Variants in GTPBP1 observed in about 807,000 individuals in gnomAD.
GTPBP1 encodes GTP binding protein 1.
GTPBP1 carries 23 observed loss-of-function variants against 62.0 expected under a neutral mutation model. That is an observed-to-expected ratio of 0.37 (90% CI 0.27 to 0.53). The LOEUF (loss-of-function observed/expected upper bound fraction) is 0.53. Ranked by LOEUF, GTPBP1 falls within the 20% of genes least tolerant of loss-of-function variation. The probability of loss-of-function intolerance (pLI) is 0.89; values close to 1 mark genes in which losing one functional copy is unlikely to be tolerated. For synonymous variants in GTPBP1, 344 were observed against 364.4 expected, an observed-to-expected ratio of 0.94 and a Z score of 0.64; for missense variants, 640 against 917.3, an observed-to-expected ratio of 0.70 and a Z score of 3.90.
chr22:38,729,416 A>G (rs1023805649), intron 10 of GTPBP1, 46 bp from the exon 11 acceptor site: 4 of 1,440,470 alleles, frequency 2.8e-6, no homozygotes, highest in Non-Finnish European at 2.8e-6. Context: ...AGCCAGTGCC[A>G]CTGCCCCGCA....
At position 38,727,997 on chromosome 22, in the gene GTPBP1, A is replaced by C; in HGVS notation, c.1552A>C (p.Ile518Leu). ...RYQAMVHCGS[I>L]RQTATILSMD... is the part of the protein sequence containing the mutation. The stretch of plus-strand genomic sequence containing the variant: ...TTCCTTGACAGTGCACTGTGGGAGC[A>C]TCAGGCAGACAGCCACCATTCTGAG... Residue 518 changes from isoleucine (I) to leucine (L), a missense_variant, in exon 10 of 12, where the codon ATC becomes CTC. Ile to Leu is a conservative substitution (Grantham distance 5). Transcript: ENST00000216044. This position sits in a 1 kb window ranked among gnomAD's most constrained non-coding sequence, Gnocchi z 6.5. 1 of 1,613,958 alleles carries C rather than the reference A, an allele frequency of 6.2e-7. No homozygotes were observed. The highest frequency in any genetic ancestry group is 8.5e-7 in the Non-Finnish European group (1 of 1,179,866).
Position 38,727,363 on chromosome 22 carries a change from C to G in GTPBP1, c.1537+15C>G. 6.5e-7 allele frequency: 1 copy of G among 1,533,064 alleles called. No individual in the cohort carries two copies. Among genetic ancestry groups the G allele is most frequent in the African/African-American group, 1.4e-5 (1 of 71,140 alleles). The allele number at this position is 1,533,064 out of a possible 1,614,324, so 95.0% of individuals were successfully genotyped here. ...CCAGGCCATGGGTAGGTGTCTAAGG[C>G]CCTGCCAGCCCAGGAGGCCGTCGTG... On this transcript the variant is annotated intron_variant, in intron 9 of 11. Coordinates refer to ENST00000216044, the MANE Select transcript of GTPBP1 (RefSeq NM_004286.5). This position sits in a 1 kb window ranked among gnomAD's most constrained non-coding sequence, Gnocchi z 6.5.
At chr22:38,733,773 C>G (rs1003090381), downstream of GTPBP1, among the ~76,000 whole-genome samples, 4 of 152,172 alleles carry the variant, frequency 2.6e-5, no homozygotes, top group African/African-American at 9.7e-5. Flanking sequence ...AGGGGCAGCA[C>G]AGGTTTAGTT....
chr22:38,726,186 TC>T lies in GTPBP1; in HGVS notation c.1218+38del. On this transcript the variant is annotated intron_variant, in intron 7 of 11. Transcript: ENST00000216044. The surrounding 1 kb of genome is among the most constrained non-coding windows in gnomAD (Gnocchi z 4.1). ...CTGGGCGGGTAGCTGGGTGGGCACT[TC>T]CTACAGTGGCATCAGGGGGTGGGTC... 1.2e-6 allele frequency: 2 copies of T among 1,609,416 alleles called. No homozygotes were observed. Among genetic ancestry groups the T allele is most frequent in the Non-Finnish European group, 1.7e-6 (2 of 1,176,176 alleles).
In GTPBP1 at chr22:38,716,567, G is replaced by A; in HGVS notation, c.486-85G>A. On this transcript the variant is annotated intron_variant, in intron 3 of 11. Transcript: ENST00000216044. The surrounding 1 kb of genome is among the most constrained non-coding windows in gnomAD (Gnocchi z 5.2). ...GGATCGGGGCAAGCCTGGACTTGCG[G>A]ATCCAATTACTGGGGTTATGATGGT... 1 of 1,003,748 alleles carries A rather than the reference G, an allele frequency of 1.0e-6. No individual in the cohort carries two copies. The highest frequency in any genetic ancestry group is 1.5e-5 in the South Asian group (1 of 65,510). 62.2% of individuals were successfully genotyped at this position (1,003,748 alleles called of 1,614,324 possible).
In GTPBP1 at chr22:38,716,597, C is replaced by T; in HGVS notation, c.486-55C>T. ...AATTACTGGGGTTATGATGGTCGCT[C>T]CACCTCACTCATTCACTAACTCTCA... On this transcript the variant is annotated intron_variant, in intron 3 of 11. Coordinates refer to ENST00000216044, the MANE Select transcript of GTPBP1 (RefSeq NM_004286.5). This position sits in a 1 kb window ranked among gnomAD's most constrained non-coding sequence, Gnocchi z 5.2. 8 of 1,302,374 alleles carry T rather than the reference C, an allele frequency of 6.1e-6. No homozygotes were observed. Among genetic ancestry groups the T allele is most frequent in the Non-Finnish European group, 6.5e-6 (6 of 921,926 alleles). The allele number at this position is 1,302,374 out of a possible 1,614,324, so 80.7% of individuals were successfully genotyped here. A position where few individuals can be genotyped will look rare whatever the true frequency, so the allele number is the denominator to read the frequency against.
chr22:38,717,555 AG>A (rs2092677763), intron 4 of GTPBP1, among the ~76,000 whole-genome samples: 1 of 152,224 alleles, frequency 6.6e-6, no homozygotes, highest in African/African-American at 2.4e-5. Context: ...AGCAATGAAC[AG>A]GGCTGTCCAG....
chr22:38,729,570 G>A lies in GTPBP1; in HGVS notation c.1825G>A (p.Gly609Ser). 1 of 1,597,090 alleles carries A rather than the reference G, an allele frequency of 6.3e-7. No homozygotes were observed. Among genetic ancestry groups the A allele is most frequent in the South Asian group, 1.1e-5 (1 of 88,886 alleles). Residue 609 changes from glycine to serine, a missense_variant, in exon 11 of 12, where the codon GGT becomes AGT. This residue lies in a region of GTPBP1 where 117 missense variants were observed against 107.1 expected (regional missense o/e 1.09). Coordinates refer to ENST00000216044, the MANE Select transcript of GTPBP1 (RefSeq NM_004286.5). ...GAAACGAGACGAGGGGGGCCCGTCT[G>A]GTGGGCCAGCAGTAGGAGCACCCCC... ...LTKRDEGGPSGGPAVGAPPPG... is the reference protein window; with the variant it reads ...LTKRDEGGPSSGPAVGAPPPG...
chr22:38,721,431 G>A (rs1292846419), intron 4 of GTPBP1, among the ~76,000 whole-genome samples: 1 of 152,062 alleles, frequency 6.6e-6, no homozygotes, highest in Non-Finnish European at 1.5e-5. Context: ...TGTCCTGCCT[G>A]GTCTCAAACT....
chr22:38,721,953 C>G, intron 5 of GTPBP1, 88 bp downstream of exon 5: 1 of 858,632 alleles, frequency 1.2e-6, no homozygotes, highest in Non-Finnish European at 1.7e-6. Context: ...ACGGCTTTAG[C>G]CCAGAAACTT....
chr22:38,729,670 C>T lies in GTPBP1; in HGVS notation c.1917+8C>T, dbSNP rs573110907. On this transcript the variant is annotated splice_region_variant and intron_variant, in intron 11 of 11. Coordinates refer to ENST00000216044, the MANE Select transcript of GTPBP1 (RefSeq NM_004286.5). ...AGCAATCTCCAGCCTCAGGTGAGCA[C>T]GGGCCCCTCGCAGCTTCGGCATGGT... is the stretch of plus-strand genomic sequence containing the variant. 2.2e-5 allele frequency: 32 copies of T among 1,468,574 alleles called. No homozygotes were observed. The Admixed American group carries it at 3.1e-4, about 14-fold the overall frequency. The allele number at this position is 1,468,574 out of a possible 1,614,324, so 91.0% of individuals were successfully genotyped here.
chr22:38,725,860 C>T, intron 6 of GTPBP1, 146 bp from the exon 7 acceptor site: 1 of 757,080 alleles, frequency 1.3e-6, no homozygotes, highest in Non-Finnish European at 2.3e-6. Flanking sequence ...AGGTCAAGCC[C>T]TTGGAGGCAG....
chr22:38,728,085 C>T lies in GTPBP1; in HGVS notation c.1640C>T (p.Thr547Ile), dbSNP rs753233825. ...KATVHFRFIK[T>I]PEYLHIDQRL... ...ACTGTACACTTCCGCTTCATCAAGACCCCTGAGTACCTGCACATAGACCAG... is the reference window on the plus strand; with the variant it reads ...ACTGTACACTTCCGCTTCATCAAGATCCCTGAGTACCTGCACATAGACCAG... The change falls in exon 10 of 12, where the codon ACC (threonine) becomes ATC (isoleucine). Residue 547 changes from threonine (T) to isoleucine (I), a missense_variant. Physicochemically the swap from Thr to Ile is moderately conservative, Grantham distance 89. Coordinates refer to ENST00000216044, the MANE Select transcript of GTPBP1 (RefSeq NM_004286.5). 4 of 1,612,858 alleles carry T rather than the reference C, an allele frequency of 2.5e-6. No individual in the cohort carries two copies. The highest frequency in any genetic ancestry group is 1.3e-5 in the African/African-American group (1 of 74,882).
In GTPBP1 at chr22:38,730,509, C is replaced by G; in HGVS notation, c.1918-103C>G. 1.2e-6 allele frequency: 1 copy of G among 807,394 alleles called. No homozygotes were observed. The highest frequency in any genetic ancestry group is 2.1e-6 in the Non-Finnish European group (1 of 473,932). 50.0% of individuals were successfully genotyped at this position (807,394 alleles called of 1,614,324 possible). On this transcript the variant is annotated intron_variant, in intron 11 of 11. Transcript: ENST00000216044. This position sits in a 1 kb window ranked among gnomAD's most constrained non-coding sequence, Gnocchi z 5.6. ...GCTAGGGTGAGGACCACGCAGCCTG[C>G]TCACGCATCTTCCGTCCCTGTCTCC... is the stretch of plus-strand genomic sequence containing the variant.
downstream of GTPBP1, chr22:38,739,884 G>A (rs199929528): frequency 1.5e-5 from 24 of 1,613,228 alleles, no homozygotes; most frequent in South Asian, 3.3e-5. The surrounding 1 kb of genome is among the most constrained non-coding windows in gnomAD (Gnocchi z 6.7). Context: ...GGAGCCCCAC[G>A]CGGCCCCCTC....
At chr22:38,740,273 C>T (rs2092844687), downstream of GTPBP1, 7 of 1,588,194 alleles carry the variant, frequency 4.4e-6, no homozygotes, top group Non-Finnish European at 6.0e-6. The surrounding 1 kb of genome is among the most constrained non-coding windows in gnomAD (Gnocchi z 4.8). Flanking sequence ...TCACGTCGTC[C>T]CGCACGGCCT....
At chr22:38,740,880 TC>T, downstream of GTPBP1, 1 of 1,077,374 alleles carries the variant, frequency 9.3e-7, no homozygotes. This position sits in a 1 kb window ranked among gnomAD's most constrained non-coding sequence, Gnocchi z 4.8. Flanking sequence ...TTTCAACCCC[TC>T]CCCCTACCAT....
chr22:38,726,513 C>T lies in GTPBP1; in HGVS notation c.1401+73C>T. 7.8e-7 allele frequency: 1 copy of T among 1,276,460 alleles called. No individual in the cohort carries two copies. Among genetic ancestry groups the T allele is most frequent in the Non-Finnish European group, 1.1e-6 (1 of 887,458 alleles). The allele number at this position is 1,276,460 out of a possible 1,614,324, so 79.1% of individuals were successfully genotyped here. On this transcript the variant is annotated intron_variant, in intron 8 of 11. Coordinates refer to ENST00000216044, the MANE Select transcript of GTPBP1 (RefSeq NM_004286.5). The surrounding 1 kb of genome is among the most constrained non-coding windows in gnomAD (Gnocchi z 4.1). The stretch of plus-strand genomic sequence containing the variant: ...GGCTCTTGGCCAGATGCCCTGCTCA[C>T]CCACTCTAGTCCTCATGGCTGCTCT...
At chr22:38,733,863 G>T (rs1209498023), downstream of GTPBP1, among the ~76,000 whole-genome samples, 1 of 152,238 alleles carries the variant, frequency 6.6e-6, no homozygotes, top group African/African-American at 2.4e-5. Flanking sequence ...GTACAGATGG[G>T]CAGAGGGCAT....
Sources: allele counts gnomAD v4.1 joint callset (sites outside exome capture counted in the v4.1 genomes callset), GRCh38; gene constraint gnomAD v4.1.1; regional missense constraint gnomAD v4.1.1; non-coding constraint Gnocchi (gnomAD v3.1); transcripts MANE v1.5; gene names NCBI Gene and HGNC (gene_info 2026-07-23, HGNC 2026-07-21).